RBM27: variants seen among roughly 807,000 people sequenced by gnomAD.
The protein encoded by RBM27 is RNA binding motif protein 27, also known as RNA-binding protein 27.
In RBM27, 22 loss-of-function variants were observed where a neutral mutation model predicts 135.3. The ratio of observed to expected loss-of-function variants is 0.16; its 90% CI spans 0.12 to 0.23. RBM27 has a LOEUF of 0.23. Among genes scored for constraint, RBM27 ranks in the 10% least tolerant of loss-of-function variants. RBM27 has a pLI of 1.00. For missense variants in RBM27, 1,009 were observed against 1,281.0 expected (o/e 0.79, Z 3.24); for synonymous variants, 481 against 442.4 (o/e 1.09, Z -1.10).
intron 18 of RBM27, 134 bp from the exon 19 acceptor site, chr5:146,271,349 G>A (rs922757498): frequency 9.8e-6 from 8 of 814,956 alleles, no homozygotes; most frequent in South Asian, 2.0e-5. Context: ...GCAGTGAGCC[G>A]AGATCGTGCC....
At chr5:146,249,071 C>T (rs1757765369) in intron 8 of RBM27, among the ~76,000 whole-genome samples, 2 of 152,042 alleles carry the variant, frequency 1.3e-5, no homozygotes, top group Non-Finnish European at 2.9e-5. Flanking sequence ...CAGCTTTGAC[C>T]TTCTGGCTCA....
rs753497115 is a variant in RBM27 at position 146,260,724 on chromosome 5, AT to A, written c.1740-20del. 1.9e-6 allele frequency: 3 copies of A among 1,576,828 alleles called. No homozygotes were observed. The highest frequency in any genetic ancestry group is 2.6e-6 in the Non-Finnish European group (3 of 1,163,458). ...GCATGAAGTAGGAGAATTAACCAAG[AT>A]GTATTAATCTTCCTTTTAGGCAAGG... On this transcript the variant is annotated intron_variant, in intron 11 of 20. Coordinates refer to ENST00000265271, the MANE Select transcript of RBM27 (RefSeq NM_018989.2).
intron 7 of RBM27, 71 bp downstream of exon 7, chr5:146,233,814 G>T: frequency 9.1e-7 from 1 of 1,094,560 alleles, no homozygotes; most frequent in South Asian, 3.5e-5. Context: ...TAGCTAACTT[G>T]ACACTCGTTT....
At position 146,284,653 on chromosome 5, in the gene RBM27, G is replaced by A. The variant is rs1461526239; in HGVS notation, c.3020G>A (p.Arg1007His). Residue 1007 changes from arginine to histidine, a missense_variant, in exon 20 of 21, where the codon CGT (arginine) becomes CAT (histidine). Physicochemically the swap from Arg to His is conservative, Grantham distance 29. Transcript: ENST00000265271. ...TANQGPKFKDRRLQISWHKPK... is the reference protein window; with the variant it reads ...TANQGPKFKDHRLQISWHKPK... ...AACCAAGGGCCAAAATTTAAAGACC[G>A]TCGGCTACAGATATCATGGCACAAG... 14 of 1,612,646 alleles carry A rather than the reference G, an allele frequency of 8.7e-6. No homozygotes were observed. The highest frequency in any genetic ancestry group is 6.7e-5 in the East Asian group (3 of 44,784).
At chr5:146,237,226 C>T in intron 7 of RBM27, 72 bp from the exon 8 acceptor site, 1 of 1,575,658 alleles carries the variant, frequency 6.3e-7, no homozygotes, top group Non-Finnish European at 8.7e-7. Flanking sequence ...GTGTGAGCCA[C>T]TGCTCCTGGC....
intron 8 of RBM27, among the ~76,000 whole-genome samples, chr5:146,246,960 C>T (rs1036660325): frequency 3.3e-5 from 5 of 151,212 alleles, no homozygotes; most frequent in Admixed American, 3.3e-4. Context: ...ACCTCCTGGG[C>T]TCAAGCAGGC....
chr5:146,284,399 C>T (rs1426391955), intron 19 of RBM27, among the ~76,000 whole-genome samples: 2 of 152,104 alleles, frequency 1.3e-5, no homozygotes, highest in African/African-American at 2.4e-5. Context: ...CTAACATTTA[C>T]CTGACACAGA....
rs1758217223 is a variant in RBM27 at position 146,258,441 on chromosome 5, T to C, written c.1595-8T>C. 2.6e-6 allele frequency: 4 copies of C among 1,533,774 alleles called. No individual in the cohort carries two copies. Among genetic ancestry groups the C allele is most frequent in the Non-Finnish European group, 3.5e-6 (4 of 1,142,642 alleles). On this transcript the variant is annotated splice_polypyrimidine_tract_variant and splice_region_variant and intron_variant, in intron 10 of 20. Coordinates refer to ENST00000265271, the MANE Select transcript of RBM27 (RefSeq NM_018989.2). ...AAACTCAGTAATTTCAATTTTTTTT[T>C]CCAACAGCTGCTAACATTGTGATCC...
intron 19 of RBM27, among the ~76,000 whole-genome samples, chr5:146,275,183 A>ATT (rs1219802925): frequency 1.3e-5 from 2 of 151,398 alleles, no homozygotes; most frequent in Non-Finnish European, 2.9e-5. Context: ...TAAGTTAAAC[A>ATT]TAATTGAAAT....
At position 146,289,178 on chromosome 5, in the gene RBM27, T is replaced by G. The variant is rs970015030; in HGVS notation, c.*3148T>G. The G allele has an allele frequency of 5.9e-5, 9 of 151,982 alleles. No individual in the cohort carries two copies. Among genetic ancestry groups the G allele is most frequent in the African/African-American group, 2.2e-4 (9 of 41,398 alleles). 9.4% of individuals were successfully genotyped at this position (151,982 alleles called of 1,614,324 possible). ...GAAAGTATTACAAATTTAAAAGAAT[T>G]TGGAAAATTTATGAACCATTCCAAA... On this transcript the variant is annotated 3_prime_UTR_variant, in exon 21 of 21. Transcript: ENST00000265271.
intron 9 of RBM27, 87 bp downstream of exon 9, chr5:146,251,962 C>G: frequency 7.2e-7 from 1 of 1,392,772 alleles, no homozygotes; most frequent in Non-Finnish European, 1.0e-6. Flanking sequence ...GCATCCTGAT[C>G]TGCTGTTACA....
At chr5:146,252,738 T>C (rs1200008909) in intron 9 of RBM27, among the ~76,000 whole-genome samples, 1 of 152,212 alleles carries the variant, frequency 6.6e-6, no homozygotes, top group East Asian at 1.9e-4. Flanking sequence ...CTTAAACACA[T>C]TGAAATTTAA....
chr5:146,204,584 G>A (rs1241134829), intron 1 of RBM27, among the ~76,000 whole-genome samples: 2 of 152,294 alleles, frequency 1.3e-5, no homozygotes, highest in East Asian at 3.9e-4. Flanking sequence ...GGTTGAAAGG[G>A]CTACACTGGT....
intron 13 of RBM27, among the ~76,000 whole-genome samples, chr5:146,262,580 A>G (rs1194123707): frequency 6.6e-6 from 1 of 152,230 alleles, no homozygotes; most frequent in Non-Finnish European, 1.5e-5. Flanking sequence ...ATACAGTCAG[A>G]TTTTTAAAAA....
chr5:146,232,553 G>T (rs1305475208), intron 6 of RBM27, among the ~76,000 whole-genome samples: 1 of 151,854 alleles, frequency 6.6e-6, no homozygotes, highest in Non-Finnish European at 1.5e-5. Flanking sequence ...ATTTATTTAG[G>T]CTTCTTAGTA....
intron 10 of RBM27, among the ~76,000 whole-genome samples, chr5:146,257,508 C>T (rs1483145547): frequency 6.6e-6 from 1 of 152,144 alleles, no homozygotes; most frequent in Non-Finnish European, 1.5e-5. Flanking sequence ...CATGAATGCT[C>T]TCTTGTATAC....
chr5:146,280,035 T>G (rs1409353567), intron 19 of RBM27, among the ~76,000 whole-genome samples: 1 of 151,994 alleles, frequency 6.6e-6, no homozygotes, highest in Non-Finnish European at 1.5e-5. Flanking sequence ...CATAAAAATC[T>G]TAGCTATCTG....
chr5:146,280,764 T>G (rs1241040644), intron 19 of RBM27, among the ~76,000 whole-genome samples: 1 of 152,254 alleles, frequency 6.6e-6, no homozygotes, highest in East Asian at 1.9e-4. Context: ...GAGCCCGTTT[T>G]CAGCTGAGAT....
chr5:146,230,151 A>T (rs1756867982), intron 5 of RBM27, among the ~76,000 whole-genome samples: 1 of 152,234 alleles, frequency 6.6e-6, no homozygotes, highest in Admixed American at 6.5e-5. Context: ...GTCTAGACTT[A>T]ACTCATTTTG....
Sources: allele counts gnomAD v4.1 joint callset (sites outside exome capture counted in the v4.1 genomes callset), GRCh38; gene constraint gnomAD v4.1.1; transcripts MANE v1.5; gene names NCBI Gene and HGNC (gene_info 2026-07-23, HGNC 2026-07-21).